CCDC144A: variants seen among roughly 807,000 people sequenced by gnomAD.
The protein encoded by CCDC144A is coiled-coil domain-containing protein 144A.
CCDC144A carries 41 observed loss-of-function variants against 143.8 expected under a neutral mutation model. That is an observed-to-expected ratio of 0.29 (90% CI 0.22 to 0.37). CCDC144A has a LOEUF of 0.37. Among genes scored for constraint, CCDC144A ranks in the 10% least tolerant of loss-of-function variants. The pLI is 1.00. For missense variants in CCDC144A, 637 were observed against 1,488.8 expected, an observed-to-expected ratio of 0.43 and a Z score of 9.41; for synonymous variants, 242 against 517.9, an observed-to-expected ratio of 0.47 and a Z score of 7.23.
At chr17:16,754,262 G>C (rs2143333925) in intron 12 of CCDC144A, among the ~76,000 whole-genome samples, 1 of 152,202 alleles carries the variant, frequency 6.6e-6, no homozygotes, top group South Asian at 2.1e-4. Flanking sequence ...ATTCAGTTCT[G>C]CCCTGCCTTT....
the CCDC144A span, among the ~76,000 whole-genome samples, chr17:16,667,467 G>A: frequency 6.9e-4 from 105 of 152,108 alleles, no homozygotes; most frequent in African/African-American, 2.5e-3. Context: ...GGGCTGACGC[G>A]GGTGAGGGGC....
the CCDC144A span, among the ~76,000 whole-genome samples, chr17:16,668,332 C>T: frequency 6.6e-6 from 1 of 152,158 alleles, no homozygotes; most frequent in Non-Finnish European, 1.5e-5. Flanking sequence ...ACTTTAGTCA[C>T]TTATACCATA....
At chr17:16,721,299 TAA>T (rs1913080922) in intron 8 of CCDC144A, among the ~76,000 whole-genome samples, 1 of 152,140 alleles carries the variant, frequency 6.6e-6, no homozygotes, top group East Asian at 1.9e-4. Flanking sequence ...TCATCATCCA[TAA>T]AAGTCTCTTC....
At chr17:16,747,540 A>G (rs1257397040) in intron 12 of CCDC144A, among the ~76,000 whole-genome samples, 6 of 152,060 alleles carry the variant, frequency 3.9e-5, no homozygotes, top group African/African-American at 9.7e-5. Flanking sequence ...GATTTTTCCA[A>G]TTCATGAGCA....
At chr17:16,738,951 A>G (rs980992064) in intron 12 of CCDC144A, among the ~76,000 whole-genome samples, 2 of 149,412 alleles carry the variant, frequency 1.3e-5, no homozygotes, top group Non-Finnish European at 3.0e-5. Context: ...CCTTGCCAAC[A>G]TTTTTCATAT....
chr17:16,682,202 GGTGTGTGT>G, the CCDC144A span, among the ~76,000 whole-genome samples: 618 of 145,326 alleles, frequency 4.3e-3, 6 homozygotes, highest in Non-Finnish European at 4.9e-3. Context: ...TCTGAAAATG[GGTGTGTGT>G]GTGTGTGTGT....
chr17:16,685,421 C>T (rs1910744599), upstream of CCDC144A, among the ~76,000 whole-genome samples: 1 of 152,000 alleles, frequency 6.6e-6, no homozygotes, highest in African/African-American at 2.4e-5. Context: ...GCTCTGTCAC[C>T]CAGACTGGAG....
At chr17:16,758,022 G>T (rs1225124372) in intron 12 of CCDC144A, among the ~76,000 whole-genome samples, 1 of 152,152 alleles carries the variant, frequency 6.6e-6, no homozygotes, top group African/African-American at 2.4e-5. Context: ...TTTCCTCAAG[G>T]TGTGGTTACC....
Position 16,777,343 on chromosome 17 carries a change from A to C in CCDC144A, c.*3710A>C, listed in dbSNP as rs924659722. The C allele has an allele frequency of 2.0e-5, 3 of 152,298 alleles. No homozygotes were observed. The highest frequency in any genetic ancestry group is 7.2e-5 in the African/African-American group (3 of 41,520). 9.4% of individuals were successfully genotyped at this position (152,298 alleles called of 1,614,324 possible). On this transcript the variant is annotated 3_prime_UTR_variant, in exon 17 of 17. Transcript: ENST00000399273. Reference sequence around the variant, plus strand: ...AACAAAGAAACAATGGACTTAAACTATACCCTGGAACATATGGACTTAACA... The same window carrying C: ...AACAAAGAAACAATGGACTTAAACTCTACCCTGGAACATATGGACTTAACA...
Position 16,709,166 on chromosome 17 carries a change from A to G in CCDC144A, c.1109A>G (p.Lys370Arg), listed in dbSNP as rs1466355950. The G allele has an allele frequency of 6.2e-7, 1 of 1,611,752 alleles. No individual in the cohort carries two copies. Among genetic ancestry groups the G allele is most frequent in the Non-Finnish European group, 8.5e-7 (1 of 1,179,658 alleles). Residue 370 changes from lysine (K) to arginine (R), a missense_variant, in exon 5 of 17, where the codon AAA (lysine) becomes AGA (arginine). Physicochemically the swap from Lys to Arg is conservative, Grantham distance 26. Coordinates refer to ENST00000399273, the MANE Select transcript of CCDC144A (RefSeq NM_001382000.1). ...CCTGAACAAAAAGAACCCAGTCTCAAAAATATCATCCATCCATACTATCAT... is the reference window on the plus strand; with the variant it reads ...CCTGAACAAAAAGAACCCAGTCTCAGAAATATCATCCATCCATACTATCAT... ...TFPEQKEPSL[K>R]NIIHPYYHPY...
At chr17:16,682,625 T>C in the CCDC144A span, among the ~76,000 whole-genome samples, 1 of 151,930 alleles carries the variant, frequency 6.6e-6, no homozygotes. Flanking sequence ...CTAGGGGTAA[T>C]TATAAAAAAT....
chr17:16,683,148 A>C, the CCDC144A span, among the ~76,000 whole-genome samples: 1 of 151,812 alleles, frequency 6.6e-6, no homozygotes, highest in Non-Finnish European at 1.5e-5. Context: ...GATACATTGC[A>C]CAACATGGTG....
At chr17:16,748,392 A>T (rs1292230482) in intron 12 of CCDC144A, among the ~76,000 whole-genome samples, 1 of 152,196 alleles carries the variant, frequency 6.6e-6, no homozygotes, top group Non-Finnish European at 1.5e-5. Context: ...GGTGAAACAC[A>T]TTTATTGATT....
At chr17:16,761,151 C>T (rs575141536) in intron 12 of CCDC144A, among the ~76,000 whole-genome samples, 3 of 151,612 alleles carry the variant, frequency 2.0e-5, no homozygotes, top group Non-Finnish European at 2.9e-5. Flanking sequence ...CACGGTGAAA[C>T]CCCATCTACT....
At chr17:16,687,362 C>T (rs1235083226), upstream of CCDC144A, among the ~76,000 whole-genome samples, 2 of 152,108 alleles carry the variant, frequency 1.3e-5, no homozygotes, top group African/African-American at 2.4e-5. Context: ...CCCCCGCCGC[C>T]CCCCGCAGGG....
intron 3 of CCDC144A, chr17:16,707,186 T>C: frequency 3.0e-6 from 1 of 333,806 alleles, no homozygotes; most frequent in Non-Finnish European, 5.5e-6. Context: ...TTGTGATGGC[T>C]TTGTTCATTG....
At chr17:16,710,238 G>C (rs903312144) in intron 5 of CCDC144A, 98 of 162,242 alleles carry the variant, frequency 6.0e-4, no homozygotes, top group Admixed American at 5.7e-3. Context: ...CTAAGGAAGG[G>C]TGAACCAGCC....
chr17:16,686,095 T>TG (rs1467239697), upstream of CCDC144A, among the ~76,000 whole-genome samples: 2 of 148,002 alleles, frequency 1.4e-5, no homozygotes, highest in African/African-American at 5.1e-5. Flanking sequence ...TTTTTTGTTT[T>TG]TTTTTTTTTT....
At chr17:16,746,287 G>A in intron 12 of CCDC144A, 1 of 468,756 alleles carries the variant, frequency 2.1e-6, no homozygotes, top group Non-Finnish European at 3.2e-6. Flanking sequence ...TTTTTTTTTT[G>A]CATCTTTCTT....
Sources: gnomAD v4.1 joint callset for allele counts (sites outside exome capture counted in the v4.1 genomes callset) on GRCh38, gnomAD v4.1.1 for gene constraint, MANE v1.5 for transcripts, NCBI Gene and HGNC (gene_info 2026-07-23, HGNC 2026-07-21) for gene names.